Variants in NTMT1 observed in about 807,000 individuals in gnomAD.
NTMT1 encodes N-terminal RCC1 methyltransferase.
NTMT1 carries 8 observed loss-of-function variants against 17.5 expected under a neutral mutation model. The ratio of observed to expected loss-of-function variants is 0.46; its 90% CI spans 0.27 to 0.82. The LOEUF (loss-of-function observed/expected upper bound fraction) is 0.82. NTMT1 is among the 40% of genes least tolerant of loss of function. The pLI, the probability that NTMT1 is intolerant of heterozygous loss-of-function variation, is 0.15. For synonymous variants in NTMT1, 128 were observed against 126.8 expected (o/e 1.01, Z -0.06); for missense variants, 221 against 303.5 (o/e 0.73, Z 2.02).
rs930635679 is a variant in NTMT1, at chr9:129,613,811, C to T, written c.-55+4633C>T. 2.0e-5 allele frequency among the ~76,000 whole-genome samples: 3 copies of T among 152,214 alleles called. No individual in the cohort carries two copies. Among genetic ancestry groups the T allele is most frequent in the South Asian group, 2.1e-4 (1 of 4,834 alleles). ...CTGTTATACCCAAGCTGTGCCCCTG[C>T]GCACCCCCACTCACGCTGCAGCCGG... On this transcript the variant is annotated intron_variant, in intron 1 of 3. Coordinates refer to the NTMT1 transcript ENST00000372486. The surrounding 1 kb of genome is among the most constrained non-coding windows in gnomAD (Gnocchi z 6.2).
chr9:129,631,644 C>T (rs932511098), intron 1 of NTMT1, among the ~76,000 whole-genome samples: 3 of 152,194 alleles, frequency 2.0e-5, no homozygotes, highest in African/African-American at 7.2e-5. Context: ...AGGATGCAGT[C>T]GAAACTGCTA....
upstream of NTMT1, among the ~76,000 whole-genome samples, chr9:129,625,585 G>T (rs1355922934): frequency 1.3e-5 from 2 of 152,142 alleles, no homozygotes; most frequent in Non-Finnish European, 2.9e-5. Flanking sequence ...TGTAACCTGT[G>T]TTGGGCGCGG....
chr9:129,617,710 G>T (rs1408428870), intron 1 of NTMT1, among the ~76,000 whole-genome samples: 3 of 152,078 alleles, frequency 2.0e-5, no homozygotes, highest in Non-Finnish European at 4.4e-5. Flanking sequence ...TTGAGACAGG[G>T]TCTTGCTCTG....
intron 1 of NTMT1, among the ~76,000 whole-genome samples, chr9:129,611,795 C>T (rs1830119862): frequency 6.6e-6 from 1 of 152,092 alleles, no homozygotes; most frequent in Non-Finnish European, 1.5e-5. Flanking sequence ...CTCTCTCGCC[C>T]AGGCTGGAGT....
intron 2 of NTMT1, 25 bp downstream of exon 2, chr9:129,632,890 A>G (rs1321813894): frequency 6.2e-7 from 1 of 1,608,478 alleles, no homozygotes; most frequent in African/African-American, 1.3e-5. Context: ...CGTGCTCTCC[A>G]GGAGAGGCTG....
At chr9:129,609,764 T>G (rs984608868) in intron 1 of NTMT1, among the ~76,000 whole-genome samples, 33 of 152,074 alleles carry the variant, frequency 2.2e-4, no homozygotes, top group African/African-American at 7.5e-4. Context: ...GTGGGGGACA[T>G]GCTGGTGGAC....
rs750476088 is a variant in NTMT1, at chr9:129,634,111, A to T, written c.220A>T (p.Arg74Trp). 17 of 1,614,100 alleles carry T rather than the reference A, an allele frequency of 1.1e-5. No individual in the cohort carries two copies. Among genetic ancestry groups the T allele is most frequent in the Non-Finnish European group, 1.4e-5 (17 of 1,180,012 alleles). ...CALDCGAGIGRITKRLLLPLF... is the reference protein window; with the variant it reads ...CALDCGAGIGWITKRLLLPLF... ...CCTGGACTGTGGAGCTGGCATTGGGAGGATCACCAAGCGGCTGCTCCTGCC... is the reference window on the plus strand; with the variant it reads ...CCTGGACTGTGGAGCTGGCATTGGGTGGATCACCAAGCGGCTGCTCCTGCC... The change falls in exon 3 of 4, where the codon AGG becomes TGG. Residue 74 changes from arginine (R) to tryptophan (W), a missense_variant. Coordinates refer to ENST00000372483, the MANE Select transcript of NTMT1 (RefSeq NM_014064.4).
In NTMT1 at chr9:129,620,672, C is replaced by T. The variant is rs905773644; in HGVS notation, c.-55+11494C>T. 3 of 1,144,366 alleles carry T rather than the reference C, an allele frequency of 2.6e-6. No individual in the cohort carries two copies. The highest frequency in any genetic ancestry group is 4.1e-5 in the Admixed American group (1 of 24,276). The allele number at this position is 1,144,366 out of a possible 1,614,324, so 70.9% of individuals were successfully genotyped here. A position where few individuals can be genotyped will look rare whatever the true frequency, so the allele number is the denominator to read the frequency against. ...CATAGTCCAGCCCCAGGCCATAGTG[C>T]CCCGGGCGGGGCAGCGCGGTGCGGG... On this transcript the variant is annotated intron_variant, in intron 1 of 3. Coordinates refer to the NTMT1 transcript ENST00000372486. This position sits in a 1 kb window ranked among gnomAD's most constrained non-coding sequence, Gnocchi z 5.8.
chr9:129,624,608 G>A (rs1564343193), upstream of NTMT1, among the ~76,000 whole-genome samples: 1 of 152,272 alleles, frequency 6.6e-6, no homozygotes, highest in African/African-American at 2.4e-5. Flanking sequence ...TCGCCCAGAG[G>A]AAGGAACACC....
chr9:129,634,653 G>A (rs1047931479), intron 3 of NTMT1: 10 of 251,394 alleles, frequency 4.0e-5, no homozygotes, highest in Admixed American at 2.0e-4. Flanking sequence ...TTTAAGCTTC[G>A]TGTCTAGCCC....
rs774860449 is a variant in NTMT1 at position 129,620,494 on chromosome 9, G to A, written c.-55+11316G>A. The A allele has an allele frequency of 4.9e-5, 69 of 1,414,466 alleles. No individual in the cohort carries two copies. In the East Asian group the frequency reaches 2.0e-3, roughly 40 times the overall value. The allele number at this position is 1,414,466 out of a possible 1,614,324, so 87.6% of individuals were successfully genotyped here. A position where few individuals can be genotyped will look rare whatever the true frequency, so the allele number is the denominator to read the frequency against. ...TCAGCTTGGGCAGCCGCGGGTCGCT[G>A]CTGCGTCGGAAGTCTCCGTCGCCAG... On this transcript the variant is annotated intron_variant, in intron 1 of 3. Coordinates refer to the NTMT1 transcript ENST00000372486. The surrounding 1 kb of genome is among the most constrained non-coding windows in gnomAD (Gnocchi z 5.8).
At chr9:129,610,110 GGGGA>G (rs1305844872) in intron 1 of NTMT1, among the ~76,000 whole-genome samples, 1 of 149,896 alleles carries the variant, frequency 6.7e-6, no homozygotes, top group Non-Finnish European at 1.5e-5. Flanking sequence ...TGTGGTCTGC[GGGGA>G]GGGAGTGGAC....
At chr9:129,617,685 T>A (rs920186939) in intron 1 of NTMT1, among the ~76,000 whole-genome samples, 6 of 152,144 alleles carry the variant, frequency 3.9e-5, no homozygotes, top group African/African-American at 1.4e-4. Context: ...CTGTTTTTGT[T>A]TGTTTGTTTG....
At chr9:129,627,588 A>G (rs932964591) in intron 1 of NTMT1, among the ~76,000 whole-genome samples, 5 of 152,230 alleles carry the variant, frequency 3.3e-5, no homozygotes, top group Non-Finnish European at 7.3e-5. Context: ...GTGAGGTTTA[A>G]TGTCTTGTCT....
intron 1 of NTMT1, chr9:129,612,329 C>T: frequency 6.2e-7 from 1 of 1,605,200 alleles, no homozygotes; most frequent in East Asian, 2.2e-5. Flanking sequence ...GTGCCCCTGG[C>T]CTTGGGTTCG....
intron 1 of NTMT1, chr9:129,615,511 G>A: frequency 6.2e-7 from 1 of 1,607,154 alleles, no homozygotes; most frequent in Non-Finnish European, 8.5e-7. Context: ...CAGTAGCGGA[G>A]CGTTGTGTCC....
intron 1 of NTMT1, among the ~76,000 whole-genome samples, chr9:129,616,218 T>C (rs552153652): frequency 1.3e-5 from 2 of 152,178 alleles, no homozygotes; most frequent in African/African-American, 4.8e-5. Flanking sequence ...CTGTTTTTTG[T>C]TTTTGTTTTG....
chr9:129,632,200 G>T (rs1384659671), intron 1 of NTMT1, among the ~76,000 whole-genome samples: 1 of 152,176 alleles, frequency 6.6e-6, no homozygotes, highest in Admixed American at 6.5e-5. Context: ...CGTAATCCCA[G>T]CACTTTGGGA....
Position 129,620,224 on chromosome 9 carries a change from C to T in NTMT1, c.-55+11046C>T. 7.4e-7 allele frequency: 1 copy of T among 1,351,978 alleles called. No homozygotes were observed. 83.7% of individuals were successfully genotyped at this position (1,351,978 alleles called of 1,614,324 possible). On this transcript the variant is annotated intron_variant, in intron 1 of 3. Coordinates refer to the NTMT1 transcript ENST00000372486. This position sits in a 1 kb window ranked among gnomAD's most constrained non-coding sequence, Gnocchi z 5.8. ...GCTCGCGCTCTCCAGGCCCTGGCTGCCTGGGCGCCGATTCCCGGGACGCGC... is the reference window on the plus strand; with the variant it reads ...GCTCGCGCTCTCCAGGCCCTGGCTGTCTGGGCGCCGATTCCCGGGACGCGC...
Sources: gnomAD v4.1 joint callset for allele counts (sites outside exome capture counted in the v4.1 genomes callset) on GRCh38, gnomAD v4.1.1 for gene constraint, Gnocchi (gnomAD v3.1) non-coding constraint, MANE v1.5 for transcripts, NCBI Gene and HGNC (gene_info 2026-07-23, HGNC 2026-07-21) for gene names.